AMBRA1: variants seen among roughly 807,000 people sequenced by gnomAD.
The protein encoded by AMBRA1 is autophagy and beclin 1 regulator 1.
A neutral mutation model predicts 125.4 loss-of-function variants in AMBRA1; 47 were observed. That is an observed-to-expected ratio of 0.37 (90% CI 0.30 to 0.48). AMBRA1 has a LOEUF of 0.48. Among genes scored for constraint, AMBRA1 ranks in the 20% least tolerant of loss-of-function variants. The pLI, the probability that AMBRA1 is intolerant of heterozygous loss-of-function variation, is 0.99. For missense variants in AMBRA1, 1,331 were observed against 1,693.4 expected (o/e 0.79, Z 3.76); for synonymous variants, 626 against 655.5 (o/e 0.95, Z 0.69).
At position 46,545,778 on chromosome 11, in the gene AMBRA1, T is replaced by C; in HGVS notation, c.379-2A>G. 2 of 1,613,638 alleles carry C rather than the reference T, an allele frequency of 1.2e-6. No homozygotes were observed. Among genetic ancestry groups the C allele is most frequent in the East Asian group, 2.2e-5 (1 of 44,878 alleles). On this transcript the variant is annotated splice_acceptor_variant, in intron 4 of 17. Coordinates refer to ENST00000683756, the MANE Select transcript of AMBRA1 (RefSeq NM_001387011.1). LOFTEE classifies it high-confidence loss of function. ...TGTGAACCAGCTTTCACTGCCACCC[T>C]GTGAATGAACCAATTCCAGATATTC...
intron 17 of AMBRA1, among the ~76,000 whole-genome samples, chr11:46,406,372 TAA>T (rs529275776): frequency 0.02 from 1,632 of 81,610 alleles, 18 homozygotes; most frequent in African/African-American, 0.035. Context: ...ATCTTTAAAT[TAA>T]AAAAAAAAAA....
chr11:46,421,464 C>T (rs1006974041), intron 14 of AMBRA1, among the ~76,000 whole-genome samples: 7 of 152,158 alleles, frequency 4.6e-5, no homozygotes, highest in Non-Finnish European at 7.3e-5. Context: ...CACTCTAGTG[C>T]GGTGTGGGAA....
At chr11:46,566,181 G>C (rs1465306307) in intron 1 of AMBRA1, among the ~76,000 whole-genome samples, 1 of 152,218 alleles carries the variant, frequency 6.6e-6, no homozygotes, top group African/African-American at 2.4e-5. Flanking sequence ...CACTCTGGGA[G>C]GCTGAGGAGG....
chr11:46,498,026 C>G (rs1212452024), intron 9 of AMBRA1, among the ~76,000 whole-genome samples: 1 of 152,206 alleles, frequency 6.6e-6, no homozygotes. Context: ...AAATCTGCCA[C>G]TCACTTCCGT....
intron 7 of AMBRA1, among the ~76,000 whole-genome samples, chr11:46,526,358 C>G (rs995305477): frequency 6.6e-6 from 1 of 151,918 alleles, no homozygotes; most frequent in Non-Finnish European, 1.5e-5. Context: ...CTAGACTGCT[C>G]TATCACTAGC....
intron 12 of AMBRA1, among the ~76,000 whole-genome samples, chr11:46,443,061 A>G (rs1209227251): frequency 6.6e-6 from 1 of 152,216 alleles, no homozygotes; most frequent in African/African-American, 2.4e-5. Flanking sequence ...CATGTCTTGC[A>G]CCCACCCTCA....
intron 11 of AMBRA1, among the ~76,000 whole-genome samples, chr11:46,461,185 G>A (rs1353624473): frequency 2.0e-5 from 3 of 152,254 alleles, no homozygotes; most frequent in Non-Finnish European, 4.4e-5. Context: ...CAAGGCTGCA[G>A]TGAGCTGTGA....
intron 1 of AMBRA1, among the ~76,000 whole-genome samples, chr11:46,582,633 T>C (rs1381637984): frequency 1.3e-5 from 2 of 152,208 alleles, no homozygotes; most frequent in African/African-American, 4.8e-5. Context: ...ACGCGAATCC[T>C]GGTTCTGCCA....
chr11:46,542,841 G>C lies in AMBRA1; in HGVS notation c.1176C>G (p.Arg392=), dbSNP rs771321343. Residue 392 remains arginine, a synonymous_variant, in exon 7 of 18, where the codon CGC becomes CGG. Transcript: ENST00000683756. The surrounding 1 kb of genome is among the most constrained non-coding windows in gnomAD (Gnocchi z 5.9). ...TAGACAGAGGCCCTCCCAAAGAGCG[G>C]CGGGTAGGACCCAGACTGAGGTTGC... is the stretch of plus-strand genomic sequence containing the variant. ...TLRNLSLGPT[R]RSLGGPLSSH... The C allele has an allele frequency of 5.0e-6, 8 of 1,613,792 alleles. No individual in the cohort carries two copies. The Admixed American group carries it at 6.7e-5, about 13-fold the overall frequency.
intron 9 of AMBRA1, among the ~76,000 whole-genome samples, chr11:46,498,699 C>T (rs1401648458): frequency 6.6e-6 from 1 of 152,180 alleles, no homozygotes; most frequent in African/African-American, 2.4e-5. Flanking sequence ...CCTGACCAGA[C>T]AGTCAGGTTG....
chr11:46,567,068 T>G (rs2043558394), intron 1 of AMBRA1, among the ~76,000 whole-genome samples: 1 of 150,992 alleles, frequency 6.6e-6, no homozygotes, highest in Admixed American at 6.6e-5. Flanking sequence ...TAAGTAGTGT[T>G]TGTTTGTTTG....
At chr11:46,445,930 A>C (rs1391328112) in intron 11 of AMBRA1, among the ~76,000 whole-genome samples, 1 of 152,252 alleles carries the variant, frequency 6.6e-6, no homozygotes, top group Non-Finnish European at 1.5e-5. Flanking sequence ...AACTACAAAC[A>C]GGAAAACAGT....
chr11:46,458,137 TGAG>T (rs1948933230), intron 11 of AMBRA1, among the ~76,000 whole-genome samples: 1 of 152,190 alleles, frequency 6.6e-6, no homozygotes, highest in Admixed American at 6.5e-5. Context: ...CTGTGGAATC[TGAG>T]GAGAACAGCA....
intron 7 of AMBRA1, among the ~76,000 whole-genome samples, chr11:46,513,745 G>A (rs1319103880): frequency 6.6e-6 from 1 of 152,170 alleles, no homozygotes; most frequent in Admixed American, 6.5e-5. Flanking sequence ...AAGGTCTGTG[G>A]CCCATCATTT....
Position 46,541,953 on chromosome 11 carries a change from T to C in AMBRA1, c.2064A>G (p.Ser688=), listed in dbSNP as rs1290967964. The stretch of plus-strand genomic sequence containing the variant: ...GGAAAGCGACTGCTTACCTCCTGAG[T>C]GAATCCTCCTCAGAGCTCTCCTCAG... ...DMPEESSEED[S]LRRRLLESSL... is the part of the protein sequence containing the mutation. The change falls in exon 7 of 18, where the codon TCA becomes TCG. Residue 688 remains serine, a synonymous_variant. Transcript: ENST00000683756. 3.7e-6 allele frequency: 6 copies of C among 1,608,352 alleles called. No individual in the cohort carries two copies. Among genetic ancestry groups the C allele is most frequent in the Middle Eastern group, 1.6e-4 (1 of 6,066 alleles).
intron 15 of AMBRA1, among the ~76,000 whole-genome samples, chr11:46,412,073 C>A (rs529911624): frequency 5.7e-4 from 87 of 152,292 alleles, no homozygotes; most frequent in African/African-American, 1.9e-3. Flanking sequence ...TTTTAAGGGG[C>A]CTGTCAGGCT....
intron 7 of AMBRA1, among the ~76,000 whole-genome samples, chr11:46,528,242 G>A (rs776881278): frequency 3.0e-4 from 45 of 152,232 alleles, no homozygotes; most frequent in African/African-American, 6.5e-4. Context: ...GCACGATCCC[G>A]GCTCGCTGCA....
chr11:46,591,384 T>C (rs1187027868), intron 1 of AMBRA1: 2 of 152,198 alleles, frequency 1.3e-5, no homozygotes, highest in Admixed American at 6.6e-5. Flanking sequence ...ACTGAGGTCG[T>C]GTAACTAGGA....
chr11:46,434,741 G>A, intron 13 of AMBRA1, 108 bp downstream of exon 13: 1 of 1,173,346 alleles, frequency 8.5e-7, no homozygotes, highest in East Asian at 2.6e-5. Context: ...AGTGAAGGTA[G>A]GGGCAGTATG....
Sources: allele counts gnomAD v4.1 joint callset (sites outside exome capture counted in the v4.1 genomes callset), GRCh38; gene constraint gnomAD v4.1.1; non-coding constraint Gnocchi (gnomAD v3.1); transcripts MANE v1.5; gene names NCBI Gene and HGNC (gene_info 2026-07-23, HGNC 2026-07-21).